The following TMEM242 variants were observed in gnomAD, a reference collection of about 807,000 sequenced individuals.
The protein encoded by TMEM242 is transmembrane protein 242.
TMEM242 carries 10 observed loss-of-function variants against 18.2 expected under a neutral mutation model. That is an observed-to-expected ratio of 0.55 (90% CI 0.34 to 0.93). The LOEUF is 0.93. Among genes scored for constraint, TMEM242 ranks in the 40% least tolerant of loss-of-function variants. The probability of loss-of-function intolerance (pLI) is 0.02; values close to 1 mark genes in which losing one functional copy is unlikely to be tolerated. For synonymous variants in TMEM242, 57 were observed against 69.9 expected (o/e 0.81, Z 0.92); for missense variants, 186 against 175.5 (o/e 1.06, Z -0.34).
rs782691650 is a variant in TMEM242, at chr6:157,323,495, T to C, written c.5A>G (p.Glu2Gly). The stretch of plus-strand genomic sequence containing the variant: ...CTGCCCAGTTGCAGCGCCCGCTGTC[T>C]CCATGTTTAGGTCGCCTCTAGTGCG... M[E>G]TAGAATGQPA... is the part of the protein sequence containing the mutation. Residue 2 changes from glutamate (E) to glycine (G), a missense_variant, in exon 1 of 4, where the codon GAG becomes GGG. Coordinates refer to ENST00000400788, the MANE Select transcript of TMEM242 (RefSeq NM_018452.6). 2 of 1,613,678 alleles carry C rather than the reference T, an allele frequency of 1.2e-6. No individual in the cohort carries two copies. The highest frequency in any genetic ancestry group is 1.7e-6 in the Non-Finnish European group (2 of 1,179,778).
chr6:157,294,349 T>TTC (rs1340314433), intron 3 of TMEM242, among the ~76,000 whole-genome samples: 2 of 134,010 alleles, frequency 1.5e-5, no homozygotes, highest in African/African-American at 5.4e-5. Flanking sequence ...AGTCATTTCT[T>TTC]TTTTTTTTTT....
At chr6:157,314,485 A>G (rs1336661440) in intron 3 of TMEM242, among the ~76,000 whole-genome samples, 1 of 152,204 alleles carries the variant, frequency 6.6e-6, no homozygotes, top group East Asian at 1.9e-4. Flanking sequence ...ATTATAATCA[A>G]ATAATAAAAT....
At chr6:157,321,976 A>G (rs912027710) in intron 2 of TMEM242, among the ~76,000 whole-genome samples, 1 of 152,190 alleles carries the variant, frequency 6.6e-6, no homozygotes, top group Non-Finnish European at 1.5e-5. Context: ...CACTTTAAAC[A>G]TGGTCTCTTG....
At chr6:157,300,567 C>T (rs1444619813) in intron 3 of TMEM242, among the ~76,000 whole-genome samples, 3 of 152,194 alleles carry the variant, frequency 2.0e-5, no homozygotes, top group Non-Finnish European at 2.9e-5. Flanking sequence ...GGGTGGTTGC[C>T]TGCACCATCT....
intron 3 of TMEM242, among the ~76,000 whole-genome samples, chr6:157,313,200 T>C (rs1388539414): frequency 3.6e-5 from 4 of 111,324 alleles, no homozygotes; most frequent in African/African-American, 7.4e-5. Flanking sequence ...GGCCTCATCA[T>C]AGTGCCTCAG....
intron 2 of TMEM242, among the ~76,000 whole-genome samples, chr6:157,319,852 T>A (rs1778464584): frequency 6.6e-6 from 1 of 152,200 alleles, no homozygotes; most frequent in Non-Finnish European, 1.5e-5. Flanking sequence ...AAGAGTACCA[T>A]GTTGGGCAAG....
Position 157,292,707 on chromosome 6 carries a change from G to A in TMEM242, c.*194C>T. The A allele has an allele frequency of 2.4e-6, 1 of 424,796 alleles. No individual in the cohort carries two copies. The highest frequency in any genetic ancestry group is 8.3e-5 in the South Asian group (1 of 12,074). The allele number at this position is 424,796 out of a possible 1,614,324, so 26.3% of individuals were successfully genotyped here. A position where few individuals can be genotyped will look rare whatever the true frequency, so the allele number is the denominator to read the frequency against. On this transcript the variant is annotated 3_prime_UTR_variant, in exon 4 of 4. Coordinates refer to ENST00000400788, the MANE Select transcript of TMEM242 (RefSeq NM_018452.6). ...TTTTTAAATAGTCTTCTTAACTGTG[G>A]GAAAACTTTACCCTCCCCCAGCACG...
At chr6:157,313,833 C>T (rs62425613) in intron 3 of TMEM242, among the ~76,000 whole-genome samples, 1 of 141,528 alleles carries the variant, frequency 7.1e-6, no homozygotes, top group Non-Finnish European at 1.6e-5. Flanking sequence ...GTGCGCTCAC[C>T]TAGCCTCATC....
At chr6:157,310,730 A>C (rs1554248415) in intron 3 of TMEM242, among the ~76,000 whole-genome samples, 1 of 151,880 alleles carries the variant, frequency 6.6e-6, no homozygotes, top group Non-Finnish European at 1.5e-5. Flanking sequence ...AGCTAGCCTC[A>C]TCATAGTGTC....
At position 157,318,935 on chromosome 6, in the gene TMEM242, A is replaced by G; in HGVS notation, c.190-16T>C. 1 of 1,586,974 alleles carries G rather than the reference A, an allele frequency of 6.3e-7. No homozygotes were observed. Among genetic ancestry groups the G allele is most frequent in the East Asian group, 2.2e-5 (1 of 44,448 alleles). The stretch of plus-strand genomic sequence containing the variant: ...CCATACTTCCCTGAAATGAAACAGA[A>G]AAGTTGAGGTAAAAACAATCAGTGC... On this transcript the variant is annotated splice_polypyrimidine_tract_variant and intron_variant, in intron 2 of 3. Transcript: ENST00000400788.
At chr6:157,312,471 C>T (rs1778190213) in intron 3 of TMEM242, among the ~76,000 whole-genome samples, 3 of 122,732 alleles carry the variant, frequency 2.4e-5, no homozygotes, top group Admixed American at 8.0e-5. Context: ...AGCGTGCACT[C>T]ACCTAGCCTC....
chr6:157,295,607 C>CG (rs1777739778), intron 3 of TMEM242, among the ~76,000 whole-genome samples: 1 of 152,256 alleles, frequency 6.6e-6, no homozygotes, highest in East Asian at 1.9e-4. Flanking sequence ...GAGCAAGGGG[C>CG]GGTCCTGCTC....
At chr6:157,310,682 G>GCTAGCCTCATCATAGTGTCCCAGTGTGCA (rs1778006832) in intron 3 of TMEM242, among the ~76,000 whole-genome samples, 1 of 3,776 alleles carries the variant, frequency 2.6e-4, no homozygotes. Context: ...CCCAGTGTGC[G>GCTAGCCTCATCATAGTGTCCCAGTGTGCA]CTCACCTAGC....
Position 157,290,809 on chromosome 6 carries a change from A to G in TMEM242, c.*2092T>C, listed in dbSNP as rs1442797580. On this transcript the variant is annotated 3_prime_UTR_variant, in exon 4 of 4. Transcript: ENST00000400788. ...CTCTTTTAGGGAATTTGTCCCTGCC[A>G]GCCTCCCCTCTGCAGGGGATTCATC... The G allele has an allele frequency of 2.0e-5, 3 of 152,236 alleles. No individual in the cohort carries two copies. The highest frequency in any genetic ancestry group is 6.5e-5 in the Admixed American group (1 of 15,290). 9.4% of individuals were successfully genotyped at this position (152,236 alleles called of 1,614,324 possible). A position where few individuals can be genotyped will look rare whatever the true frequency, so the allele number is the denominator to read the frequency against.
rs777641932 is a variant in TMEM242, at chr6:157,298,836, C to T, written c.328-5837G>A. The stretch of plus-strand genomic sequence containing the variant: ...GCAAGTGCTGCTACATCAGGGGTAC[C>T]AAAAACACTTTCTTTAGGAATTGTA... On this transcript the variant is annotated intron_variant, in intron 3 of 3. Transcript: ENST00000400788. Among the ~76,000 whole-genome samples, 86 of 152,084 alleles carry T rather than the reference C, an allele frequency of 5.7e-4. 4 individuals are homozygous for T. The highest frequency in any genetic ancestry group is 4.4e-5 in the Non-Finnish European group (3 of 68,006).
At chr6:157,321,416 T>C (rs1253342837) in intron 2 of TMEM242, among the ~76,000 whole-genome samples, 1 of 152,216 alleles carries the variant, frequency 6.6e-6, no homozygotes, top group Non-Finnish European at 1.5e-5. Flanking sequence ...TGTTAAGTAA[T>C]ACTGGCTTTA....
chr6:157,321,087 C>A (rs1037811545), intron 2 of TMEM242, among the ~76,000 whole-genome samples: 1 of 149,502 alleles, frequency 6.7e-6, no homozygotes, highest in Non-Finnish European at 1.5e-5. Flanking sequence ...CGGCTTACTG[C>A]AAGCTCCGCC....
At chr6:157,300,346 G>C (rs781853155) in intron 3 of TMEM242, among the ~76,000 whole-genome samples, 56 of 152,250 alleles carry the variant, frequency 3.7e-4, no homozygotes, top group African/African-American at 1.4e-3. Flanking sequence ...TGCTTCTCGA[G>C]CAAGTGATTT....
At chr6:157,319,580 A>T (rs1349182057) in intron 2 of TMEM242, among the ~76,000 whole-genome samples, 2 of 152,222 alleles carry the variant, frequency 1.3e-5, no homozygotes, top group Non-Finnish European at 2.9e-5. Context: ...AGCATCTATT[A>T]TTGCTTTTCA....
Sources: allele counts gnomAD v4.1 joint callset (sites outside exome capture counted in the v4.1 genomes callset), GRCh38; gene constraint gnomAD v4.1.1; transcripts MANE v1.5; gene names NCBI Gene and HGNC (gene_info 2026-07-23, HGNC 2026-07-21).